The following LDLRAD4 variants were observed in gnomAD, a reference collection of about 807,000 sequenced individuals.
LDLRAD4 encodes low-density lipoprotein receptor class A domain-containing protein 4.
LDLRAD4 carries 5 observed loss-of-function variants against 17.0 expected under a neutral mutation model. The ratio of observed to expected loss-of-function variants is 0.29; its 90% CI spans 0.15 to 0.62. LDLRAD4 has a LOEUF of 0.62. Ranked by LOEUF, LDLRAD4 falls within the 20% of genes least tolerant of loss-of-function variation. LDLRAD4 has a pLI of 0.84. For synonymous variants in LDLRAD4, 168 were observed against 171.8 expected, an observed-to-expected ratio of 0.98 and a Z score of 0.17; for missense variants, 340 against 424.7, an observed-to-expected ratio of 0.80 and a Z score of 1.75.
At chr18:13,631,628 T>C (rs1248892481) in intron 4 of LDLRAD4, among the ~76,000 whole-genome samples, 1 of 152,154 alleles carries the variant, frequency 6.6e-6, no homozygotes, top group Non-Finnish European at 1.5e-5. Flanking sequence ...TTCAGCAGTA[T>C]ATTAAAAGGG....
chr18:13,308,966 G>C (rs1451669621), intron 1 of LDLRAD4, among the ~76,000 whole-genome samples: 1 of 152,164 alleles, frequency 6.6e-6, no homozygotes, highest in Non-Finnish European at 1.5e-5. Context: ...CAAAAGTTAT[G>C]TTTGCTTTTG....
chr18:13,356,708 C>T (rs1404808110), intron 1 of LDLRAD4, among the ~76,000 whole-genome samples: 4 of 152,190 alleles, frequency 2.6e-5, no homozygotes, highest in East Asian at 1.9e-4. Flanking sequence ...GCCCCTTTCC[C>T]GTCACACCAT....
chr18:13,273,417 C>A (rs1173682416), upstream of LDLRAD4, among the ~76,000 whole-genome samples: 2 of 152,190 alleles, frequency 1.3e-5, no homozygotes, highest in African/African-American at 2.4e-5. Context: ...CCTCCCGCCT[C>A]AGCTTCCTGA....
At chr18:13,230,228 G>C (rs2042004860) in intron 1 of LDLRAD4, among the ~76,000 whole-genome samples, 1 of 152,150 alleles carries the variant, frequency 6.6e-6, no homozygotes, top group East Asian at 1.9e-4. Flanking sequence ...CCTTGATCTT[G>C]GACGTCCCAT....
intron 2 of LDLRAD4, among the ~76,000 whole-genome samples, chr18:13,421,404 G>C (rs2089437879): frequency 6.6e-6 from 1 of 152,182 alleles, no homozygotes; most frequent in Non-Finnish European, 1.5e-5. Context: ...TGCCAGGCAA[G>C]GAGGTGAGCA....
At chr18:13,432,704 CACTGAATTTT>C (rs2090422649) in intron 2 of LDLRAD4, among the ~76,000 whole-genome samples, 1 of 152,176 alleles carries the variant, frequency 6.6e-6, no homozygotes, top group Non-Finnish European at 1.5e-5. Context: ...TTTCCATCTT[CACTGAATTTT>C]ACTTCTATTT....
chr18:13,221,025 C>G (rs2041424381), intron 1 of LDLRAD4, among the ~76,000 whole-genome samples: 1 of 152,206 alleles, frequency 6.6e-6, no homozygotes, highest in Non-Finnish European at 1.5e-5. Flanking sequence ...TCTGATCTTT[C>G]TGGTAGTCCT....
At chr18:13,295,141 GC>G (rs1734892173) in intron 1 of LDLRAD4, among the ~76,000 whole-genome samples, 1 of 152,218 alleles carries the variant, frequency 6.6e-6, no homozygotes, top group Non-Finnish European at 1.5e-5. Flanking sequence ...AAATATGGCA[GC>G]AGTAGGGAGA....
rs1171615299 is a variant in LDLRAD4 at position 13,575,225 on chromosome 18, C to A, written c.182-45892C>A. Among the ~76,000 whole-genome samples the A allele has an allele frequency of 3.9e-5, 6 of 152,182 alleles. No individual in the cohort carries two copies. The East Asian group carries it at 1.2e-3, about 29-fold the overall frequency. ...TATGTAGTCTTTTATCCCTCACTTA[C>A]CTCCCACCCTTTCCCCTGAGTCCCC... On this transcript the variant is annotated intron_variant, in intron 3 of 5. Transcript: ENST00000359446.
chr18:13,602,744 G>A (rs1016549155), intron 3 of LDLRAD4, among the ~76,000 whole-genome samples: 16 of 151,280 alleles, frequency 1.1e-4, no homozygotes, highest in Admixed American at 4.6e-4. Flanking sequence ...CACTGTGCCC[G>A]GCCTAATTTT....
At chr18:13,634,282 G>A (rs531834719) in intron 4 of LDLRAD4, among the ~76,000 whole-genome samples, 58 of 152,302 alleles carry the variant, frequency 3.8e-4, no homozygotes, top group Non-Finnish European at 7.1e-4. Flanking sequence ...GTATCTGTTA[G>A]AAGATGACAT....
chr18:13,487,548 G>A (rs1305882766), intron 3 of LDLRAD4: 7 of 152,274 alleles, frequency 4.6e-5, no homozygotes, highest in Non-Finnish European at 1.0e-4. Context: ...CTCATGGCCA[G>A]GGTTCTTACA....
At chr18:13,361,698 G>A (rs879461839) in intron 1 of LDLRAD4, among the ~76,000 whole-genome samples, 7 of 152,188 alleles carry the variant, frequency 4.6e-5, no homozygotes, top group South Asian at 2.1e-4. Context: ...AGGTGAGGCC[G>A]TGCTGACAGC....
intron 3 of LDLRAD4, among the ~76,000 whole-genome samples, chr18:13,605,215 C>A (rs939540557): frequency 3.9e-5 from 6 of 152,174 alleles, no homozygotes; most frequent in African/African-American, 1.4e-4. Flanking sequence ...AGTGTCTCAA[C>A]ACTAGAGCCT....
chr18:13,523,691 C>G (rs2093987584), intron 3 of LDLRAD4, among the ~76,000 whole-genome samples: 1 of 152,284 alleles, frequency 6.6e-6, no homozygotes, highest in East Asian at 1.9e-4. Context: ...TGGCCACTCC[C>G]CCTGGTATCT....
At chr18:13,380,897 A>G (rs1209875268) in intron 1 of LDLRAD4, among the ~76,000 whole-genome samples, 3 of 152,196 alleles carry the variant, frequency 2.0e-5, no homozygotes, top group Admixed American at 6.5e-5. Flanking sequence ...TACAAAAGCT[A>G]CATGTTATTT....
chr18:13,435,903 C>T (rs144223207), intron 2 of LDLRAD4, among the ~76,000 whole-genome samples: 85 of 152,338 alleles, frequency 5.6e-4, no homozygotes, highest in African/African-American at 1.7e-3. Flanking sequence ...TGGGGCCATG[C>T]CCATTACAAG....
chr18:13,596,315 A>G (rs1313566822), intron 3 of LDLRAD4, among the ~76,000 whole-genome samples: 2 of 152,172 alleles, frequency 1.3e-5, no homozygotes, highest in East Asian at 3.8e-4. Flanking sequence ...TCTCTCATCC[A>G]TTCTGACAGT....
At chr18:13,313,934 AT>A (rs1328457472) in intron 1 of LDLRAD4, among the ~76,000 whole-genome samples, 1 of 152,148 alleles carries the variant, frequency 6.6e-6, no homozygotes, top group East Asian at 1.9e-4. Context: ...ATGTGTTGTG[AT>A]GTCAGAAAGA....
Sources: allele counts gnomAD v4.1 joint callset (sites outside exome capture counted in the v4.1 genomes callset), GRCh38; gene constraint gnomAD v4.1.1; transcripts MANE v1.5; gene names NCBI Gene and HGNC (gene_info 2026-07-23, HGNC 2026-07-21).